The following SRGAP2 variants were observed in gnomAD, a reference collection of about 807,000 sequenced individuals.
SRGAP2 encodes the protein SLIT-ROBO Rho GTPase-activating protein 2.
SRGAP2 carries 15 observed loss-of-function variants against 57.2 expected under a neutral mutation model. The ratio of observed to expected loss-of-function variants is 0.26; its 90% CI spans 0.18 to 0.40. The LOEUF is 0.40. Among genes scored for constraint, SRGAP2 ranks in the 10% least tolerant of loss-of-function variants. The pLI, the probability that SRGAP2 is intolerant of heterozygous loss-of-function variation, is 1.00. For missense variants in SRGAP2, 520 were observed against 669.6 expected (o/e 0.78, Z 2.47); for synonymous variants, 249 against 248.0 (o/e 1.00, Z -0.04).
chr1:206,423,945 A>G lies in SRGAP2; in HGVS notation c.1494+2671A>G, dbSNP rs557714010. Among the ~76,000 whole-genome samples the G allele has an allele frequency of 4.3e-3, 473 of 111,286 alleles. 6 individuals carry two copies. The highest frequency in any genetic ancestry group is 0.015 in the African/African-American group (440 of 28,670). 73.0% of individuals were successfully genotyped at this position (111,286 alleles called of 152,430 possible). Reference sequence around the variant, plus strand: ...GCACACCACCACGCCTGGCTAATTTATGTATTTTTTTTTTTTTTTTTTTTT... The same window carrying G: ...GCACACCACCACGCCTGGCTAATTTGTGTATTTTTTTTTTTTTTTTTTTTT... On this transcript the variant is annotated intron_variant, in intron 13 of 22. Coordinates refer to ENST00000573034, the MANE Select transcript of SRGAP2 (RefSeq NM_015326.5).
At chr1:206,414,652 G>C (rs9661656) in intron 10 of SRGAP2, among the ~76,000 whole-genome samples, 7,300 of 152,130 alleles carry the variant, frequency 0.048, 443 homozygotes, top group African/African-American at 0.14. Flanking sequence ...CTGTGGAGGA[G>C]AGCGGAAAAG....
intron 7 of SRGAP2, among the ~76,000 whole-genome samples, chr1:206,399,140 CAG>C (rs1657898613): frequency 6.6e-6 from 1 of 152,086 alleles, no homozygotes. Context: ...CTACCCTAAA[CAG>C]AGAGTATTTC....
chr1:206,375,226 C>T (rs1390748850), intron 4 of SRGAP2, among the ~76,000 whole-genome samples: 2 of 152,132 alleles, frequency 1.3e-5, no homozygotes, highest in Non-Finnish European at 2.9e-5. Flanking sequence ...TTTACAGCTG[C>T]TGAGAGATTT....
intron 13 of SRGAP2, among the ~76,000 whole-genome samples, chr1:206,428,403 T>C (rs550643645): frequency 6.9e-6 from 1 of 144,238 alleles, no homozygotes; most frequent in African/African-American, 2.6e-5. Flanking sequence ...CCTGGGCGAC[T>C]GATTGAGACT....
At chr1:206,448,096 A>G (rs1662929246) in intron 18 of SRGAP2, among the ~76,000 whole-genome samples, 1 of 152,212 alleles carries the variant, frequency 6.6e-6, no homozygotes, top group South Asian at 2.1e-4. Flanking sequence ...TGGAAGGCTC[A>G]TGGCCTCTCC....
intron 4 of SRGAP2, among the ~76,000 whole-genome samples, chr1:206,351,465 C>T (rs370071361): frequency 2.6e-5 from 4 of 152,244 alleles, no homozygotes; most frequent in African/African-American, 4.8e-5. Flanking sequence ...TCACTAACAG[C>T]GTTTGCACAG....
chr1:206,221,504 C>G (rs1476726000), intron 2 of SRGAP2, among the ~76,000 whole-genome samples: 1 of 151,342 alleles, frequency 6.6e-6, no homozygotes, highest in Non-Finnish European at 1.5e-5. Context: ...CGTAGGATAT[C>G]ACATAGAGAG....
At chr1:206,311,656 G>A (rs1672651605) in intron 3 of SRGAP2, among the ~76,000 whole-genome samples, 1 of 152,084 alleles carries the variant, frequency 6.6e-6, no homozygotes, top group Non-Finnish European at 1.5e-5. Context: ...GGGGCCAGAA[G>A]ATTAAAGAGG....
chr1:206,418,052 C>G (rs1659899611), intron 11 of SRGAP2, among the ~76,000 whole-genome samples: 1 of 151,350 alleles, frequency 6.6e-6, no homozygotes, highest in African/African-American at 2.4e-5. Flanking sequence ...GAAGGCTGAT[C>G]ATTAGTGCTG....
intron 4 of SRGAP2, among the ~76,000 whole-genome samples, chr1:206,361,359 G>A (rs551535556): frequency 0.012 from 1,879 of 152,002 alleles, 50 homozygotes; most frequent in African/African-American, 0.043. Context: ...TCCAACTCCT[G>A]CATTACCTTC....
At chr1:206,435,949 C>G (rs1378549458) in intron 14 of SRGAP2, among the ~76,000 whole-genome samples, 1 of 152,152 alleles carries the variant, frequency 6.6e-6, no homozygotes, top group African/African-American at 2.4e-5. Flanking sequence ...TAGAGTAAAG[C>G]TGTAGTCAGG....
At chr1:206,280,160 T>G (rs1670650207) in intron 2 of SRGAP2, among the ~76,000 whole-genome samples, 2 of 151,038 alleles carry the variant, frequency 1.3e-5, no homozygotes, top group African/African-American at 4.9e-5. Context: ...TTGCCCCAGC[T>G]GGTCTCCAGC....
Position 206,333,500 on chromosome 1 carries a change from G to A in SRGAP2, c.261-9346G>A, listed in dbSNP as rs1226488591. On this transcript the variant is annotated intron_variant, in intron 3 of 22. Transcript: ENST00000573034. ...CGAAGGTCTCTGGTGCGGGCGGCGCGGCTCTGTGTCCTCCCTCTACCTCCG... is the reference window on the plus strand; with the variant it reads ...CGAAGGTCTCTGGTGCGGGCGGCGCAGCTCTGTGTCCTCCCTCTACCTCCG... The A allele has an allele frequency of 9.4e-6, 13 of 1,379,798 alleles. No homozygotes were observed. The East Asian group carries it at 1.2e-4, about 12-fold the overall frequency. 85.5% of individuals were successfully genotyped at this position (1,379,798 alleles called of 1,614,324 possible). A position where few individuals can be genotyped will look rare whatever the true frequency, so the allele number is the denominator to read the frequency against.
intron 14 of SRGAP2, among the ~76,000 whole-genome samples, chr1:206,430,877 A>G (rs1661227656): frequency 1.3e-5 from 2 of 152,210 alleles, no homozygotes; most frequent in Admixed American, 1.3e-4. Context: ...AGCGATCGAA[A>G]TAATTGCCAG....
At chr1:206,394,430 C>T (rs1384717273) in intron 7 of SRGAP2, among the ~76,000 whole-genome samples, 2 of 152,184 alleles carry the variant, frequency 1.3e-5, no homozygotes, top group African/African-American at 2.4e-5. Context: ...TAAAGAGTTA[C>T]AATGCCATCC....
Position 206,386,668 on chromosome 1 carries a change from G to A in SRGAP2, c.486+2592G>A, listed in dbSNP as rs564426209. ...AAAAAAATTAGCTGGGCATGGTGGC[G>A]GGTGCCTGTAGTCCCAGCTACTGGG... On this transcript the variant is annotated intron_variant, in intron 5 of 22. Transcript: ENST00000573034. Among the ~76,000 whole-genome samples the A allele has an allele frequency of 7.0e-3, 942 of 134,750 alleles. 6 individuals carry two copies. Among genetic ancestry groups the A allele is most frequent in the Middle Eastern group, 0.011 (3 of 272 alleles). 88.4% of individuals were successfully genotyped at this position (134,750 alleles called of 152,430 possible).
At chr1:206,276,623 A>G (rs1220597984) in intron 2 of SRGAP2, among the ~76,000 whole-genome samples, 6,670 of 151,898 alleles carry the variant, frequency 0.044, 157 homozygotes, top group Middle Eastern at 0.068. Context: ...CCGTTCCTCT[A>G]TAATTGTTTT....
chr1:206,404,301 G>C (rs1658482555), intron 8 of SRGAP2, among the ~76,000 whole-genome samples: 1 of 150,310 alleles, frequency 6.7e-6, no homozygotes, highest in East Asian at 2.0e-4. Context: ...TCCATTTGAA[G>C]AAAGGTTTTT....
intron 2 of SRGAP2, among the ~76,000 whole-genome samples, chr1:206,245,748 A>T: frequency 1.1e-5 from 1 of 92,250 alleles, no homozygotes; most frequent in Non-Finnish European, 2.2e-5. Flanking sequence ...GGGTGTTGGG[A>T]CAGGAGAAAT....
Sources: allele counts gnomAD v4.1 joint callset (sites outside exome capture counted in the v4.1 genomes callset), GRCh38; gene constraint gnomAD v4.1.1; transcripts MANE v1.5; gene names NCBI Gene and HGNC (gene_info 2026-07-23, HGNC 2026-07-21).